Variants in ZBTB16 observed in about 807,000 individuals in gnomAD.
The protein encoded by ZBTB16 is zinc finger and BTB domain-containing protein 16.
Under a neutral mutation model 56.8 loss-of-function variants are expected in ZBTB16, and 8 were observed. The observed-to-expected ratio is 0.14, with a 90% CI of 0.08 to 0.25. The LOEUF is 0.25. ZBTB16 is among the 10% of genes least tolerant of loss of function. The probability of loss-of-function intolerance (pLI) is 1.00; values close to 1 mark genes in which losing one functional copy is unlikely to be tolerated. For synonymous variants in ZBTB16, 363 were observed against 368.5 expected, an observed-to-expected ratio of 0.98 and a Z score of 0.17; for missense variants, 625 against 903.0, an observed-to-expected ratio of 0.69 and a Z score of 3.95.
chr11:114,081,457 A>ATC (rs1215061120), intron 2 of ZBTB16, among the ~76,000 whole-genome samples: 4 of 152,198 alleles, frequency 2.6e-5, no homozygotes, highest in Admixed American at 2.0e-4. Context: ...TGATATATAT[A>ATC]TTCAGAGTTG....
intron 4 of ZBTB16, among the ~76,000 whole-genome samples, chr11:114,230,631 TG>T (rs35466609): frequency 7.8e-5 from 8 of 102,478 alleles, no homozygotes; most frequent in African/African-American, 1.6e-4. Context: ...TCATCTTCTG[TG>T]GGGGGGGGGC....
At chr11:114,076,200 G>C (rs1391058494) in intron 2 of ZBTB16, among the ~76,000 whole-genome samples, 1 of 152,142 alleles carries the variant, frequency 6.6e-6, no homozygotes, top group Non-Finnish European at 1.5e-5. Flanking sequence ...AAAGAAATCT[G>C]TCCATCTGTC....
intron 3 of ZBTB16, among the ~76,000 whole-genome samples, chr11:114,164,514 T>C (rs977909159): frequency 1.3e-5 from 2 of 152,216 alleles, no homozygotes; most frequent in East Asian, 3.9e-4. Context: ...GTCCTTGTTA[T>C]TGTCTGAGGA....
At chr11:114,199,527 A>C (rs1943686742) in intron 4 of ZBTB16, among the ~76,000 whole-genome samples, 1 of 152,212 alleles carries the variant, frequency 6.6e-6, no homozygotes, top group South Asian at 2.1e-4. Flanking sequence ...GCAGATTACC[A>C]TTGGGGATGT....
intron 4 of ZBTB16, among the ~76,000 whole-genome samples, chr11:114,214,806 G>T (rs1291605354): frequency 6.6e-6 from 1 of 152,198 alleles, no homozygotes; most frequent in African/African-American, 2.4e-5. Context: ...GTTTCGCCAT[G>T]TTGGCCAGCC....
At position 114,140,156 on chromosome 11, in the gene ZBTB16, A is replaced by T. The variant is rs3863295; in HGVS notation, c.1269-16181A>T. ...GCTGGCTGCCCCTTTTTCTGGAATG[A>T]TGCTGTTTTGGTGCCTGTTTCCCTC... is the stretch of plus-strand genomic sequence containing the variant. On this transcript the variant is annotated intron_variant, in intron 2 of 6. Coordinates refer to ENST00000335953, the MANE Select transcript of ZBTB16 (RefSeq NM_006006.6). Among the ~76,000 whole-genome samples, 863 of 152,058 alleles carry T rather than the reference A, an allele frequency of 5.7e-3. 5 individuals are homozygous for T. Among genetic ancestry groups the T allele is most frequent in the Non-Finnish European group, 9.7e-3 (662 of 67,968 alleles).
chr11:114,239,756 A>G (rs530634871), intron 4 of ZBTB16, among the ~76,000 whole-genome samples: 2 of 152,256 alleles, frequency 1.3e-5, no homozygotes, highest in South Asian at 4.1e-4. Context: ...CTGGAGCTGT[A>G]CTAGAGGCAG....
chr11:114,105,016 G>A (rs894884014), intron 2 of ZBTB16, among the ~76,000 whole-genome samples: 4 of 152,038 alleles, frequency 2.6e-5, no homozygotes, highest in African/African-American at 4.8e-5. Context: ...TTAACCCCTC[G>A]CCACCCACTC....
At chr11:114,193,240 A>G (rs1279064576) in intron 4 of ZBTB16, among the ~76,000 whole-genome samples, 2 of 152,216 alleles carry the variant, frequency 1.3e-5, no homozygotes, top group Admixed American at 6.5e-5. Flanking sequence ...GGTGTGCTCA[A>G]TAAAGATTGA....
intron 4 of ZBTB16, among the ~76,000 whole-genome samples, chr11:114,223,913 GGA>G (rs2135156537): frequency 6.6e-6 from 1 of 152,306 alleles, no homozygotes; most frequent in South Asian, 2.1e-4. Flanking sequence ...TCCAGAGTAG[GGA>G]GAGAGTAAGA....
At position 114,134,900 on chromosome 11, in the gene ZBTB16, C is replaced by T. The variant is rs181790779; in HGVS notation, c.1269-21437C>T. 4.6e-5 allele frequency among the ~76,000 whole-genome samples: 7 copies of T among 152,326 alleles called. No individual in the cohort carries two copies. The East Asian group carries it at 1.2e-3, about 25-fold the overall frequency. On this transcript the variant is annotated intron_variant, in intron 2 of 6. Transcript: ENST00000335953. The stretch of plus-strand genomic sequence containing the variant: ...TAAATAAATACCTTTCAGATTAATT[C>T]CAAAGCTAAGATTTAGCAATTCCCT...
chr11:114,247,712 T>C (rs1339663359), intron 6 of ZBTB16, among the ~76,000 whole-genome samples: 5 of 152,172 alleles, frequency 3.3e-5, no homozygotes, highest in Admixed American at 3.3e-4. Context: ...TCCAATTAGC[T>C]GAAAGTGAAG....
At position 114,252,673 on chromosome 11, in the gene ZBTB16, C is replaced by T. The variant is rs2135224047; in HGVS notation, c.*2118C>T. 6.6e-6 allele frequency among the ~76,000 whole-genome samples: 1 copy of T among 152,054 alleles called. No individual in the cohort carries two copies. Among genetic ancestry groups the T allele is most frequent in the African/African-American group, 2.4e-5 (1 of 41,474 alleles). ...CTTTCTCTCTCTGAGAAAGTTGTGGCTGCGTTTTGATCTTAGGTTTTACAA... is the reference window on the plus strand; with the variant it reads ...CTTTCTCTCTCTGAGAAAGTTGTGGTTGCGTTTTGATCTTAGGTTTTACAA... On this transcript the variant is annotated 3_prime_UTR_variant, in exon 7 of 7. Transcript: ENST00000335953.
intron 3 of ZBTB16, among the ~76,000 whole-genome samples, chr11:114,178,835 C>T (rs752321101): frequency 5.3e-5 from 8 of 152,224 alleles, no homozygotes; most frequent in Non-Finnish European, 1.0e-4. Context: ...GTTTCCTCTT[C>T]TGCAGAGTGG....
At position 114,143,084 on chromosome 11, in the gene ZBTB16, C is replaced by T. The variant is rs1165152132; in HGVS notation, c.1269-13253C>T. ...CTGCCTTGGTGAGCGTGGGCTTGCTCCCACCTACTCTCCCAGGTTCCGAGG... is the reference window on the plus strand; with the variant it reads ...CTGCCTTGGTGAGCGTGGGCTTGCTTCCACCTACTCTCCCAGGTTCCGAGG... On this transcript the variant is annotated intron_variant, in intron 2 of 6. Transcript: ENST00000335953. This position sits in a 1 kb window ranked among gnomAD's most constrained non-coding sequence, Gnocchi z 6.4. 2.6e-5 allele frequency among the ~76,000 whole-genome samples: 4 copies of T among 152,018 alleles called. No homozygotes were observed. In the East Asian group the frequency reaches 7.7e-4, roughly 29 times the overall value.
At chr11:114,085,158 A>T (rs1378540243) in intron 2 of ZBTB16, among the ~76,000 whole-genome samples, 1 of 152,210 alleles carries the variant, frequency 6.6e-6, no homozygotes, top group East Asian at 1.9e-4. Context: ...AGCAAGTAGT[A>T]CATTTTCCAT....
chr11:114,083,719 C>T (rs865824024), intron 2 of ZBTB16, among the ~76,000 whole-genome samples: 2 of 152,196 alleles, frequency 1.3e-5, no homozygotes, highest in South Asian at 2.1e-4. Flanking sequence ...GATCCCTCCA[C>T]CCCCGCAGCC....
rs999706978 is a variant in ZBTB16, at chr11:114,239,754, G to A, written c.1454-2413G>A. On this transcript the variant is annotated intron_variant, in intron 4 of 6. Coordinates refer to ENST00000335953, the MANE Select transcript of ZBTB16 (RefSeq NM_006006.6). ...GGGTTCTCTAGCCATTGCTGGAGCT[G>A]TACTAGAGGCAGGAGTCCTCTGTAC... 2.0e-5 allele frequency among the ~76,000 whole-genome samples: 3 copies of A among 152,276 alleles called. No individual in the cohort carries two copies. The South Asian group carries it at 6.2e-4, about 32-fold the overall frequency.
chr11:114,108,812 G>A (rs187690550), intron 2 of ZBTB16, among the ~76,000 whole-genome samples: 193 of 152,334 alleles, frequency 1.3e-3, no homozygotes, highest in Non-Finnish European at 2.0e-3. Flanking sequence ...TTTTAAGGTC[G>A]GTAGCTGGAA....
Sources: gnomAD v4.1 joint callset for allele counts (sites outside exome capture counted in the v4.1 genomes callset) on GRCh38, gnomAD v4.1.1 for gene constraint, Gnocchi (gnomAD v3.1) non-coding constraint, MANE v1.5 for transcripts, NCBI Gene and HGNC (gene_info 2026-07-23, HGNC 2026-07-21) for gene names.